Variants in RABGEF1 observed in about 807,000 individuals in gnomAD.
RABGEF1 encodes the protein RAB guanine nucleotide exchange factor 1, also known as rab5 GDP/GTP exchange factor.
In RABGEF1, 26 loss-of-function variants were observed where a neutral mutation model predicts 57.3. The observed-to-expected ratio is 0.45, with a 90% CI of 0.33 to 0.63. The LOEUF (loss-of-function observed/expected upper bound fraction) is 0.63. RABGEF1 is among the 20% of genes least tolerant of loss of function. The probability of loss-of-function intolerance (pLI) is 0.02; values close to 1 mark genes in which losing one functional copy is unlikely to be tolerated. For synonymous variants in RABGEF1, 185 were observed against 210.7 expected (o/e 0.88, Z 1.06); for missense variants, 464 against 607.6 (o/e 0.76, Z 2.48).
At chr7:66,684,174 G>A (rs536099452) in intron 1 of RABGEF1, among the ~76,000 whole-genome samples, 167 of 152,256 alleles carry the variant, frequency 1.1e-3, no homozygotes, top group African/African-American at 3.9e-3. Flanking sequence ...GGCTAGCTGC[G>A]GTGGCTTATG....
At position 66,690,378 on chromosome 7, in the gene RABGEF1, C is replaced by T. The variant is rs533342284; in HGVS notation, c.-873+8120C>T. On this transcript the variant is annotated intron_variant and NMD_transcript_variant, in intron 1 of 9. Coordinates refer to the RABGEF1 transcript ENST00000607882. Reference sequence around the variant, plus strand: ...CCTCCCAAAGTGCTGGGATTACAGGCGTGAGCCATCGCGCCCGGCCTGATA... The same window carrying T: ...CCTCCCAAAGTGCTGGGATTACAGGTGTGAGCCATCGCGCCCGGCCTGATA... Among the ~76,000 whole-genome samples, 32 of 149,816 alleles carry T rather than the reference C, an allele frequency of 2.1e-4. No homozygotes were observed. The South Asian group carries it at 5.6e-3, about 26-fold the overall frequency.
chr7:66,769,032 G>T (rs911782818), intron 1 of RABGEF1: 1 of 152,188 alleles, frequency 6.6e-6, no homozygotes, highest in African/African-American at 2.4e-5. Context: ...GATGGTAAGT[G>T]GGGGGATCCC....
At chr7:66,736,414 A>T (rs905518711), upstream of RABGEF1, among the ~76,000 whole-genome samples, 1 of 152,214 alleles carries the variant, frequency 6.6e-6, no homozygotes, top group African/African-American at 2.4e-5. Flanking sequence ...GGGCCATTTA[A>T]CTTGCCCTAT....
chr7:66,757,582 A>G (rs1316357682), intron 1 of RABGEF1, among the ~76,000 whole-genome samples: 6 of 152,234 alleles, frequency 3.9e-5, no homozygotes, highest in South Asian at 2.1e-4. Context: ...AATATGTACC[A>G]TATACAGTAA....
chr7:66,713,144 C>CTTT (rs575223946), intron 2 of RABGEF1, among the ~76,000 whole-genome samples: 2 of 137,890 alleles, frequency 1.5e-5, no homozygotes. Context: ...CTTTTCTTTT[C>CTTT]TTTTTTTTTT....
intron 1 of RABGEF1, among the ~76,000 whole-genome samples, chr7:66,683,060 G>A (rs183399328): frequency 6.6e-6 from 1 of 152,284 alleles, no homozygotes; most frequent in East Asian, 1.9e-4. Context: ...ATTTTCCCAG[G>A]ACGAGTTTAC....
intron 1 of RABGEF1, among the ~76,000 whole-genome samples, chr7:66,753,485 T>C (rs1304153285): frequency 2.0e-5 from 3 of 152,212 alleles, no homozygotes; most frequent in Non-Finnish European, 4.4e-5. Flanking sequence ...GGTTTGGTTC[T>C]GCACCACTGT....
chr7:66,776,521 C>T (rs1192904518), intron 3 of RABGEF1, among the ~76,000 whole-genome samples: 1 of 152,050 alleles, frequency 6.6e-6, no homozygotes, highest in Non-Finnish European at 1.5e-5. Flanking sequence ...GGTGAAACCC[C>T]GCCTCTACAA....
chr7:66,799,191 A>G (rs554500406), intron 6 of RABGEF1, 132 bp from the exon 7 acceptor site: 11 of 619,186 alleles, frequency 1.8e-5, no homozygotes, highest in African/African-American at 1.1e-4. Flanking sequence ...TAGTACTTGC[A>G]GGGGTGATGT....
upstream of RABGEF1, among the ~76,000 whole-genome samples, chr7:66,679,610 C>T (rs1789549878): frequency 6.6e-6 from 1 of 152,226 alleles, no homozygotes; most frequent in Non-Finnish European, 1.5e-5. Context: ...TGAGCCACCA[C>T]ACCCAGCCAG....
the RABGEF1 span, among the ~76,000 whole-genome samples, chr7:66,656,863 T>C: frequency 1.4e-5 from 2 of 138,112 alleles, no homozygotes; most frequent in Admixed American, 7.5e-5. Context: ...AGACCAGGAG[T>C]GGCCACATGT....
At chr7:66,709,250 C>G (rs6974601) in intron 1 of RABGEF1, among the ~76,000 whole-genome samples, 18,241 of 152,068 alleles carry the variant, frequency 0.12, 1,274 homozygotes, top group East Asian at 0.2. Context: ...CTCAGGTGAT[C>G]TGCCTTCCCA....
At chr7:66,678,447 C>T (rs1181338469), upstream of RABGEF1, among the ~76,000 whole-genome samples, 1 of 151,374 alleles carries the variant, frequency 6.6e-6, no homozygotes, top group Non-Finnish European at 1.5e-5. Flanking sequence ...CGCCTGTAGT[C>T]CCAGCTACTC....
chr7:66,705,519 G>A (rs1303528099), intron 1 of RABGEF1, among the ~76,000 whole-genome samples: 6 of 150,676 alleles, frequency 4.0e-5, no homozygotes, highest in Non-Finnish European at 8.9e-5. Context: ...AGAGGAGGAG[G>A]AGGAAGAGGA....
chr7:66,725,795 C>T (rs771783769), intron 2 of RABGEF1, among the ~76,000 whole-genome samples: 6 of 152,198 alleles, frequency 3.9e-5, no homozygotes, highest in Non-Finnish European at 7.4e-5. Flanking sequence ...AGGGAAGACA[C>T]AAGGAGCTCC....
chr7:66,756,016 A>G, intron 1 of RABGEF1: 1 of 1,468,188 alleles, frequency 6.8e-7, no homozygotes, highest in Non-Finnish European at 9.0e-7. Context: ...TGAACCTTGG[A>G]TTACAGATTG....
intron 1 of RABGEF1, among the ~76,000 whole-genome samples, chr7:66,759,687 G>A (rs1166446247): frequency 6.6e-6 from 1 of 152,190 alleles, no homozygotes; most frequent in Non-Finnish European, 1.5e-5. Context: ...GGGAGCAGGA[G>A]CAAGAGAGAA....
At chr7:66,730,557 CTTTTTT>C (rs888301191) in intron 2 of RABGEF1, among the ~76,000 whole-genome samples, 5 of 130,842 alleles carry the variant, frequency 3.8e-5, no homozygotes, top group Admixed American at 7.8e-5. Flanking sequence ...GTTTCTTTTT[CTTTTTT>C]TTTTTTTTTT....
intron 1 of RABGEF1, among the ~76,000 whole-genome samples, chr7:66,697,684 G>T (rs1459724654): frequency 6.6e-6 from 1 of 152,142 alleles, no homozygotes; most frequent in Non-Finnish European, 1.5e-5. Flanking sequence ...AGCTGGGGCT[G>T]GGGGAGGCGC....
Sources: gnomAD v4.1 joint callset for allele counts (sites outside exome capture counted in the v4.1 genomes callset) on GRCh38, gnomAD v4.1.1 for gene constraint, MANE v1.5 for transcripts, NCBI Gene and HGNC (gene_info 2026-07-23, HGNC 2026-07-21) for gene names.